Variants in PTPN14 observed in about 807,000 individuals in gnomAD.
PTPN14 encodes the protein tyrosine-protein phosphatase non-receptor type 14.
In PTPN14, 53 loss-of-function variants were observed where a neutral mutation model predicts 126.8. That is an observed-to-expected ratio of 0.42 (90% CI 0.34 to 0.53). The LOEUF is 0.53. Among genes scored for constraint, PTPN14 ranks in the 20% least tolerant of loss-of-function variants. The pLI, the probability that PTPN14 is intolerant of heterozygous loss-of-function variation, is 0.08. For missense variants in PTPN14, 1,257 were observed against 1,552.9 expected (o/e 0.81, Z 3.20); for synonymous variants, 630 against 599.3 (o/e 1.05, Z -0.75).
chr1:214,409,286 T>C (rs1046395696), intron 5 of PTPN14, among the ~76,000 whole-genome samples: 1 of 152,238 alleles, frequency 6.6e-6, no homozygotes, highest in East Asian at 1.9e-4. Flanking sequence ...CATCTATAAG[T>C]TCAACTTCTT....
At chr1:214,500,502 C>G (rs1043359530) in intron 1 of PTPN14, among the ~76,000 whole-genome samples, 2 of 152,204 alleles carry the variant, frequency 1.3e-5, no homozygotes, top group Non-Finnish European at 2.9e-5. Flanking sequence ...CCTCCTTCAA[C>G]TTGGTGAACT....
In PTPN14 at chr1:214,451,788, G is replaced by C. The variant is rs755702785; in HGVS notation, c.344+17C>G. 2 of 1,612,556 alleles carry C rather than the reference G, an allele frequency of 1.2e-6. No homozygotes were observed. The highest frequency in any genetic ancestry group is 1.7e-6 in the Non-Finnish European group (2 of 1,179,224). ...GTCAACACCCTTATATGGCACACAG[G>C]GGGAAAATGCACCTACCTTGTGGCC... On this transcript the variant is annotated intron_variant, in intron 3 of 18. Coordinates refer to ENST00000366956, the MANE Select transcript of PTPN14 (RefSeq NM_005401.5).
chr1:214,394,756 G>A, intron 9 of PTPN14, 143 bp downstream of exon 9: 1 of 760,988 alleles, frequency 1.3e-6, no homozygotes, highest in Non-Finnish European at 2.2e-6. Flanking sequence ...AGTAATGACA[G>A]CACTGACCAA....
chr1:214,434,925 C>A (rs1269755262), intron 3 of PTPN14, among the ~76,000 whole-genome samples: 1 of 152,144 alleles, frequency 6.6e-6, no homozygotes, highest in African/African-American at 2.4e-5. Context: ...AAGAGGGATT[C>A]AATTTGATGA....
chr1:214,449,296 G>A (rs150310329), intron 3 of PTPN14, among the ~76,000 whole-genome samples: 138 of 152,162 alleles, frequency 9.1e-4, no homozygotes, highest in East Asian at 5.0e-3. Flanking sequence ...GTGAGCCACC[G>A]CGCCCGGCCG....
At chr1:214,386,147 A>G (rs1249881926) in intron 12 of PTPN14, among the ~76,000 whole-genome samples, 2 of 152,232 alleles carry the variant, frequency 1.3e-5, no homozygotes, top group Admixed American at 1.3e-4. Context: ...TCCAATTTCT[A>G]TAACTGTAAA....
intron 1 of PTPN14, among the ~76,000 whole-genome samples, chr1:214,513,654 G>C (rs750397384): frequency 2.6e-5 from 4 of 152,048 alleles, no homozygotes; most frequent in Admixed American, 6.6e-5. Context: ...TCCATCTTGT[G>C]CCTGGGCTTC....
intron 1 of PTPN14, among the ~76,000 whole-genome samples, chr1:214,504,919 G>C (rs1358153519): frequency 6.6e-6 from 1 of 152,134 alleles, no homozygotes; most frequent in Non-Finnish European, 1.5e-5. Flanking sequence ...AATGAGTTTA[G>C]GTTGATCCAA....
chr1:214,493,207 A>G (rs1661288918), intron 1 of PTPN14, among the ~76,000 whole-genome samples: 1 of 152,214 alleles, frequency 6.6e-6, no homozygotes, highest in Admixed American at 6.5e-5. Context: ...GACTGGGGAC[A>G]GCTGCAAGTG....
intron 1 of PTPN14, chr1:214,532,160 T>C: frequency 3.3e-6 from 1 of 304,952 alleles, no homozygotes; most frequent in Admixed American, 3.4e-5. Flanking sequence ...TGGCAAAGCC[T>C]GGGTCCTGTC....
At chr1:214,360,752 T>C (rs974565410) in intron 18 of PTPN14, among the ~76,000 whole-genome samples, 1 of 152,164 alleles carries the variant, frequency 6.6e-6, no homozygotes, top group African/African-American at 2.4e-5. Flanking sequence ...ATTACTTCAT[T>C]TACTTATGAC....
At chr1:214,455,239 G>A (rs1321031953) in intron 2 of PTPN14, among the ~76,000 whole-genome samples, 1 of 152,182 alleles carries the variant, frequency 6.6e-6, no homozygotes, top group Non-Finnish European at 1.5e-5. Context: ...ACCCCACCAG[G>A]CTGGTTTGTG....
At chr1:214,453,035 C>T (rs939292578) in intron 2 of PTPN14, among the ~76,000 whole-genome samples, 8 of 152,194 alleles carry the variant, frequency 5.3e-5, no homozygotes, top group African/African-American at 1.7e-4. Flanking sequence ...ATGACTCTGA[C>T]TTTACTAGAA....
intron 9 of PTPN14, 21 bp from the exon 10 acceptor site, chr1:214,393,798 G>GA (rs1403627623): frequency 1.3e-6 from 2 of 1,527,932 alleles, no homozygotes; most frequent in Admixed American, 1.7e-5. Flanking sequence ...AAGAGACAGA[G>GA]AAAAAAATAA....
intron 3 of PTPN14, among the ~76,000 whole-genome samples, chr1:214,417,189 T>A (rs1375743097): frequency 1.3e-5 from 2 of 152,188 alleles, no homozygotes; most frequent in Admixed American, 6.5e-5. Flanking sequence ...TGGTTTTAGG[T>A]TAGGATTCTG....
chr1:214,512,632 T>G (rs1655005432), intron 1 of PTPN14, among the ~76,000 whole-genome samples: 1 of 152,214 alleles, frequency 6.6e-6, no homozygotes, highest in Non-Finnish European at 1.5e-5. Flanking sequence ...GCACAACTAA[T>G]GAGTTGCACA....
chr1:214,378,805 G>A (rs1302902937), intron 13 of PTPN14, among the ~76,000 whole-genome samples: 2 of 152,112 alleles, frequency 1.3e-5, no homozygotes, highest in African/African-American at 2.4e-5. Context: ...TAACAGAGAC[G>A]GTGCCTCCCA....
intron 1 of PTPN14, among the ~76,000 whole-genome samples, chr1:214,487,232 TTAAAGTGAAAGACAG>T: frequency 4.7e-4 from 1 of 2,134 alleles, no homozygotes; most frequent in Non-Finnish European, 9.7e-4. Flanking sequence ...AAGACAGGAA[TTAAAGTGAAAGACAG>T]GAATTAAAGT....
At chr1:214,385,325 T>C (rs1399638807) in intron 12 of PTPN14, among the ~76,000 whole-genome samples, 3 of 152,184 alleles carry the variant, frequency 2.0e-5, no homozygotes, top group Non-Finnish European at 2.9e-5. Flanking sequence ...GCACAGCTAG[T>C]TCATCCTGAG....
Sources: allele counts gnomAD v4.1 joint callset (sites outside exome capture counted in the v4.1 genomes callset), GRCh38; gene constraint gnomAD v4.1.1; transcripts MANE v1.5; gene names NCBI Gene and HGNC (gene_info 2026-07-23, HGNC 2026-07-21).